Variants in CHCHD6 observed in about 807,000 individuals in gnomAD.
CHCHD6 encodes the protein coiled-coil-helix-coiled-coil-helix domain containing 6, also known as MICOS complex subunit MIC25.
Under a neutral mutation model 32.3 loss-of-function variants are expected in CHCHD6, and 28 were observed. That is an observed-to-expected ratio of 0.87 (90% CI 0.64 to 1.19). CHCHD6 has a LOEUF of 1.19. Ranked by LOEUF, CHCHD6 falls within the 50% of genes most tolerant of loss-of-function variation. The pLI is 0.00. For missense variants in CHCHD6, 333 were observed against 307.0 expected (o/e 1.08, Z -0.63); for synonymous variants, 122 against 117.5 (o/e 1.04, Z -0.25).
chr3:126,904,441 T>A (rs937261414), intron 5 of CHCHD6, among the ~76,000 whole-genome samples: 3 of 152,266 alleles, frequency 2.0e-5, no homozygotes, highest in African/African-American at 7.2e-5. Context: ...CAAAGACTGA[T>A]GGCTGATGTT....
chr3:126,955,065 T>C (rs2078764922), intron 6 of CHCHD6, among the ~76,000 whole-genome samples: 1 of 152,236 alleles, frequency 6.6e-6, no homozygotes, highest in African/African-American at 2.4e-5. Context: ...CAAAGCTGTA[T>C]GTGCAGTCCC....
At chr3:126,849,828 T>C (rs997719525) in intron 4 of CHCHD6, among the ~76,000 whole-genome samples, 3 of 152,222 alleles carry the variant, frequency 2.0e-5, no homozygotes, top group African/African-American at 7.2e-5. Flanking sequence ...TTTACAATTC[T>C]GTCTGTCACA....
intron 6 of CHCHD6, among the ~76,000 whole-genome samples, chr3:126,936,725 T>G (rs1423036178): frequency 6.6e-6 from 1 of 152,104 alleles, no homozygotes; most frequent in Non-Finnish European, 1.5e-5. Flanking sequence ...TCAGCTAATT[T>G]TTTTGTATTT....
At chr3:126,797,800 C>T (rs1016197798) in intron 4 of CHCHD6, among the ~76,000 whole-genome samples, 2 of 152,296 alleles carry the variant, frequency 1.3e-5, no homozygotes, top group African/African-American at 2.4e-5. Context: ...CCTCAGGCTC[C>T]TGACCCAAGC....
intron 7 of CHCHD6, 135 bp downstream of exon 7, chr3:126,957,686 C>T (rs2078806405): frequency 9.0e-7 from 1 of 1,108,372 alleles, no homozygotes; most frequent in South Asian, 1.3e-5. Flanking sequence ...CTGCATTTGC[C>T]AAGGGAGGGA....
Position 126,704,323 on chromosome 3 carries a change from C to T in CHCHD6, c.11C>T (p.Thr4Met), listed in dbSNP as rs773163792. 57 of 1,603,382 alleles carry T rather than the reference C, an allele frequency of 3.6e-5. No individual in the cohort carries two copies. The highest frequency in any genetic ancestry group is 4.5e-5 in the Non-Finnish European group (53 of 1,176,978). ...CTGCGGCATCTCGCCATGGGGAGCA[C>T]GGAGAGCAGCGAGGGCCGCAGGGTG... MGS[T>M]ESSEGRRVSF... Residue 4 changes from threonine (T) to methionine (M), a missense_variant, in exon 1 of 8, where the codon ACG becomes ATG. By Grantham distance (81) the Thr-to-Met change is moderately conservative. Coordinates refer to ENST00000290913, the MANE Select transcript of CHCHD6 (RefSeq NM_032343.3).
At chr3:126,952,232 G>A (rs1223617311) in intron 6 of CHCHD6, among the ~76,000 whole-genome samples, 1 of 152,218 alleles carries the variant, frequency 6.6e-6, no homozygotes, top group Non-Finnish European at 1.5e-5. Flanking sequence ...CTAGACTTGG[G>A]AGTGCTCTGT....
At chr3:126,768,837 A>G (rs142845367) in intron 4 of CHCHD6, among the ~76,000 whole-genome samples, 1,794 of 152,142 alleles carry the variant, frequency 0.012, 94 homozygotes, top group Admixed American at 0.093. Context: ...GCATTTTTTC[A>G]TATGCTCATT....
intron 6 of CHCHD6, among the ~76,000 whole-genome samples, chr3:126,950,978 G>C (rs192947478): frequency 1.3e-5 from 2 of 152,318 alleles, no homozygotes; most frequent in East Asian, 3.9e-4. Context: ...GGAAGCAAAG[G>C]TCTCACGGAA....
At chr3:126,932,617 C>T (rs987029325) in intron 6 of CHCHD6, among the ~76,000 whole-genome samples, 2 of 152,212 alleles carry the variant, frequency 1.3e-5, no homozygotes, top group Non-Finnish European at 2.9e-5. Flanking sequence ...AGCAGCCCTG[C>T]AGAGAGCCTG....
At chr3:126,861,530 ACACCACCAC>A in intron 5 of CHCHD6, among the ~76,000 whole-genome samples, 2 of 150,800 alleles carry the variant, frequency 1.3e-5, no homozygotes, top group East Asian at 1.9e-4. Context: ...ACCACTACCA[ACACCACCAC>A]CACCAGCACC....
chr3:126,940,846 T>A (rs1018580257), intron 6 of CHCHD6, among the ~76,000 whole-genome samples: 1 of 152,232 alleles, frequency 6.6e-6, no homozygotes, highest in Non-Finnish European at 1.5e-5. Flanking sequence ...ATTGGCCATT[T>A]GTTTTTCTTT....
intron 4 of CHCHD6, among the ~76,000 whole-genome samples, chr3:126,816,327 A>T (rs919567023): frequency 2.6e-5 from 4 of 152,220 alleles, no homozygotes; most frequent in Admixed American, 6.5e-5. Flanking sequence ...AATCCTGATT[A>T]AACTTAAACA....
Position 126,957,487 on chromosome 3 carries a change from A to T in CHCHD6, c.638A>T (p.His213Leu). Residue 213 changes from histidine (H) to leucine (L), a missense_variant, in exon 7 of 8, where the codon CAT (histidine) becomes CTT (leucine). Physicochemically the swap from His to Leu is moderately conservative, Grantham distance 99. Coordinates refer to ENST00000290913, the MANE Select transcript of CHCHD6 (RefSeq NM_032343.3). ...CTCCACTGCTACCGAGATCGCCCGCATGAGGTGCTGCTGTGCTCGGACCTG... is the reference window on the plus strand; with the variant it reads ...CTCCACTGCTACCGAGATCGCCCGCTTGAGGTGCTGCTGTGCTCGGACCTG... ...QILHCYRDRP[H>L]EVLLCSDLVK... 1 of 1,605,330 alleles carries T rather than the reference A, an allele frequency of 6.2e-7. No homozygotes were observed.
At chr3:126,933,739 G>A (rs1159821680) in intron 6 of CHCHD6, among the ~76,000 whole-genome samples, 1 of 152,154 alleles carries the variant, frequency 6.6e-6, no homozygotes, top group Admixed American at 6.5e-5. Flanking sequence ...TTCAACATGA[G>A]ATTTGGAGAC....
intron 4 of CHCHD6, among the ~76,000 whole-genome samples, chr3:126,849,231 G>A (rs755975435): frequency 6.6e-6 from 1 of 152,218 alleles, no homozygotes; most frequent in Admixed American, 6.5e-5. Context: ...CCGCTTGTGC[G>A]GAATGTGGTT....
rs551451361 is a variant in CHCHD6, at chr3:126,753,985, G to A, written c.411+20763G>A. Reference sequence around the variant, plus strand: ...GTATAAATTCCATGTGGAGGCGGGGGATCCTGTTAGAATTATTCACATGCT... The same window carrying A: ...GTATAAATTCCATGTGGAGGCGGGGAATCCTGTTAGAATTATTCACATGCT... On this transcript the variant is annotated intron_variant, in intron 4 of 7. Transcript: ENST00000290913. Among the ~76,000 whole-genome samples, 20 of 152,312 alleles carry A rather than the reference G, an allele frequency of 1.3e-4. No homozygotes were observed. The South Asian group carries it at 4.1e-3, about 32-fold the overall frequency.
chr3:126,832,981 C>G (rs1029859587), intron 4 of CHCHD6, among the ~76,000 whole-genome samples: 2 of 152,166 alleles, frequency 1.3e-5, no homozygotes, highest in Non-Finnish European at 2.9e-5. Context: ...AGATACAGCC[C>G]TCGTATTGTG....
At chr3:126,858,384 T>A (rs927065758) in intron 5 of CHCHD6, among the ~76,000 whole-genome samples, 15 of 152,186 alleles carry the variant, frequency 9.9e-5, no homozygotes, top group African/African-American at 3.6e-4. Context: ...TGAGAGTTCA[T>A]CTGGCTGTGC....
Sources: gnomAD v4.1 joint callset for allele counts (sites outside exome capture counted in the v4.1 genomes callset) on GRCh38, gnomAD v4.1.1 for gene constraint, MANE v1.5 for transcripts, NCBI Gene and HGNC (gene_info 2026-07-23, HGNC 2026-07-21) for gene names.